NIPAL3: variants seen among roughly 807,000 people sequenced by gnomAD.
NIPAL3 encodes the protein NIPA like domain containing 3, also known as NIPA-like protein 3.
A neutral mutation model predicts 47.2 loss-of-function variants in NIPAL3; 41 were observed. The observed-to-expected ratio is 0.87, with a 90% confidence interval of 0.68 to 1.13. NIPAL3 has a LOEUF of 1.13. Among genes scored for constraint, NIPAL3 ranks in the 50% most tolerant of loss-of-function variants. The pLI is 0.00. For missense variants in NIPAL3, 449 were observed against 530.1 expected, an observed-to-expected ratio of 0.85 and a Z score of 1.50; for synonymous variants, 194 against 209.6, an observed-to-expected ratio of 0.93 and a Z score of 0.64.
chr1:24,455,728 C>G (rs1192514264), intron 7 of NIPAL3, among the ~76,000 whole-genome samples: 1 of 152,174 alleles, frequency 6.6e-6, no homozygotes, highest in East Asian at 1.9e-4. Context: ...CCAACAATTC[C>G]TAAGCTGTTT....
In NIPAL3 at chr1:24,449,521, C is replaced by T. The variant is rs779019000; in HGVS notation, c.435C>T (p.Val145=). Residue 145 remains valine (V), a synonymous_variant, in exon 6 of 12, where the codon GTC becomes GTT. Transcript: ENST00000374399. The surrounding 1 kb of genome is among the most constrained non-coding windows in gnomAD (Gnocchi z 4.5). ...VLSFVGCGLA[V]VGTYLLVTFA... ...CCTTTGTTGGCTGCGGTTTGGCTGT[C>T]GTGGGTACCTACCTGCTGGTGACAT... is the stretch of plus-strand genomic sequence containing the variant. 79 of 1,613,826 alleles carry T rather than the reference C, an allele frequency of 4.9e-5. No homozygotes were observed. Among genetic ancestry groups the T allele is most frequent in the South Asian group, 1.2e-4 (11 of 91,054 alleles).
At position 24,472,794 on chromosome 1, in the gene NIPAL3, C is replaced by T. The variant is rs1399557151; in HGVS notation, c.*3609C>T. ...GTTTCAACACTGGCTGATAGGCAGA[C>T]AAAAGGTTACTTGTGTGTTTCTCTG... On this transcript the variant is annotated 3_prime_UTR_variant, in exon 12 of 12. Transcript: ENST00000374399. 2 of 151,934 alleles carry T rather than the reference C, an allele frequency of 1.3e-5. No individual in the cohort carries two copies. Among genetic ancestry groups the T allele is most frequent in the Non-Finnish European group, 2.9e-5 (2 of 68,012 alleles). The allele number at this position is 151,934 out of a possible 1,614,324, so 9.4% of individuals were successfully genotyped here.
chr1:24,449,623 C>A lies in NIPAL3; in HGVS notation c.537C>A (p.Tyr179Ter), dbSNP rs141604530. 3 of 1,612,990 alleles carry A rather than the reference C, an allele frequency of 1.9e-6. No individual in the cohort carries two copies. The highest frequency in any genetic ancestry group is 1.1e-5 in the South Asian group (1 of 91,046). ...RHLVSWPFLL[Y>*]MLVEIILFCL... The stretch of plus-strand genomic sequence containing the variant: ...TCGTGAGCTGGCCTTTCCTTTTGTA[C>A]ATGGTAAGAGAAGCCTCCAGTCGTT... The change falls in exon 6 of 12, where the codon TAC becomes TAA. Residue 179 changes from tyrosine to a stop codon, truncating the protein, a stop_gained. Transcript: ENST00000374399. LOFTEE classifies it high-confidence loss of function. The surrounding 1 kb of genome is among the most constrained non-coding windows in gnomAD (Gnocchi z 4.5).
intron 2 of NIPAL3, among the ~76,000 whole-genome samples, chr1:24,424,485 G>A (rs1407125899): frequency 2.6e-5 from 4 of 152,214 alleles, no homozygotes; most frequent in Non-Finnish European, 5.9e-5. Context: ...TAGAGGGGAC[G>A]GTGTGGTTAA....
intron 8 of NIPAL3, 45 bp from the exon 9 acceptor site, chr1:24,458,843 C>G: frequency 6.7e-7 from 1 of 1,481,958 alleles, no homozygotes; most frequent in Non-Finnish European, 9.4e-7. Flanking sequence ...CTTAGCCTTT[C>G]CAACGTCTCC....
At chr1:24,432,960 G>T (rs142770510) in intron 2 of NIPAL3, 2 of 152,308 alleles carry the variant, frequency 1.3e-5, no homozygotes, top group Non-Finnish European at 2.9e-5. Context: ...GTTAATGATG[G>T]ATGACTCTAA....
intron 10 of NIPAL3, among the ~76,000 whole-genome samples, chr1:24,463,263 A>C (rs1232137693): frequency 1.3e-5 from 2 of 152,336 alleles, no homozygotes; most frequent in African/African-American, 4.8e-5. Context: ...GACATAAAAG[A>C]GTACATATTG....
At chr1:24,460,450 C>T in intron 9 of NIPAL3, 31 bp from the exon 10 acceptor site, 1 of 1,568,106 alleles carries the variant, frequency 6.4e-7, no homozygotes. Flanking sequence ...GAAAACAGCT[C>T]AGCGGTATTT....
At chr1:24,452,089 T>A (rs1355629617) in intron 6 of NIPAL3, among the ~76,000 whole-genome samples, 2 of 152,062 alleles carry the variant, frequency 1.3e-5, no homozygotes, top group Non-Finnish European at 2.9e-5. Context: ...TGATAAGGGG[T>A]TTGGGATAGG....
chr1:24,440,142 C>T, intron 2 of NIPAL3, 30 bp from the exon 3 acceptor site: 1 of 1,520,002 alleles, frequency 6.6e-7, no homozygotes, highest in Non-Finnish European at 8.8e-7. Context: ...GTGCCCAAAT[C>T]ATGTCCACTC....
At chr1:24,465,326 AG>A (rs1422787473) in intron 11 of NIPAL3, 1 of 152,080 alleles carries the variant, frequency 6.6e-6, no homozygotes, top group Non-Finnish European at 1.5e-5. Flanking sequence ...AATTCCAGAT[AG>A]GTGAGGTGTC....
Position 24,469,239 on chromosome 1 carries a change from C to T in NIPAL3, c.*54C>T, listed in dbSNP as rs769074566. On this transcript the variant is annotated 3_prime_UTR_variant, in exon 12 of 12. Transcript: ENST00000374399. ...CCCTCCAGGCTGACAGTGGTTCAAC[C>T]CTGAATCCTAAAACTTGCCTTTCAA... The T allele has an allele frequency of 5.4e-6, 8 of 1,470,640 alleles. No individual in the cohort carries two copies. Among genetic ancestry groups the T allele is most frequent in the Non-Finnish European group, 7.4e-6 (8 of 1,079,840 alleles). The allele number at this position is 1,470,640 out of a possible 1,614,324, so 91.1% of individuals were successfully genotyped here.
rs1646874568 is a variant in NIPAL3 at position 24,470,725 on chromosome 1, T to C, written c.*1540T>C. 1 of 152,248 alleles carries C rather than the reference T, an allele frequency of 6.6e-6. No homozygotes were observed. Among genetic ancestry groups the C allele is most frequent in the African/African-American group, 2.4e-5 (1 of 41,464 alleles). The allele number at this position is 152,248 out of a possible 1,614,324, so 9.4% of individuals were successfully genotyped here. Reference sequence around the variant, plus strand: ...GTGATAGATCACTTATCTTTATGGATTGTGCTTAATACTGATTTAGTATCT... The same window carrying C: ...GTGATAGATCACTTATCTTTATGGACTGTGCTTAATACTGATTTAGTATCT... On this transcript the variant is annotated 3_prime_UTR_variant, in exon 12 of 12. Transcript: ENST00000374399.
rs1645857249 is a variant in NIPAL3 at position 24,449,903 on chromosome 1, G to A, written c.540+277G>A. ...CAAATTGAATATCCACATATCCTAT[G>A]GAGGAATTCCACCCCTCATTTTATA... On this transcript the variant is annotated intron_variant, in intron 6 of 11. Transcript: ENST00000374399. The surrounding 1 kb of genome is among the most constrained non-coding windows in gnomAD (Gnocchi z 4.5). Among the ~76,000 whole-genome samples the A allele has an allele frequency of 6.6e-6, 1 of 152,166 alleles. No homozygotes were observed. Among genetic ancestry groups the A allele is most frequent in the Non-Finnish European group, 1.5e-5 (1 of 68,034 alleles).
chr1:24,453,612 G>C, intron 7 of NIPAL3, 108 bp downstream of exon 7: 1 of 868,292 alleles, frequency 1.2e-6, no homozygotes, highest in Non-Finnish European at 1.8e-6. Flanking sequence ...AGTTGCTTGA[G>C]ACTGGCTGAG....
Position 24,416,124 on chromosome 1 carries a change from C to T in NIPAL3, c.-258+220C>T, listed in dbSNP as rs1644014887. The T allele has an allele frequency of 2.0e-6, 2 of 985,318 alleles. No homozygotes were observed. Among genetic ancestry groups the T allele is most frequent in the African/African-American group, 3.5e-5 (2 of 57,200 alleles). 61.0% of individuals were successfully genotyped at this position (985,318 alleles called of 1,614,324 possible). A position where few individuals can be genotyped will look rare whatever the true frequency, so the allele number is the denominator to read the frequency against. ...TGGGCTACCTTACTAAAGGTGATGC[C>T]AGGCTCTACCAAACCAGGAAGTGAC... On this transcript the variant is annotated intron_variant, in intron 1 of 11. Coordinates refer to ENST00000374399, the MANE Select transcript of NIPAL3 (RefSeq NM_020448.5). The surrounding 1 kb of genome is among the most constrained non-coding windows in gnomAD (Gnocchi z 4.8).
chr1:24,436,851 G>A (rs1355888600), intron 2 of NIPAL3, among the ~76,000 whole-genome samples: 1 of 152,186 alleles, frequency 6.6e-6, no homozygotes, highest in Non-Finnish European at 1.5e-5. Context: ...ATAGCAGGAA[G>A]AATAGGGAAA....
At chr1:24,422,009 G>A (rs1644357264) in intron 2 of NIPAL3, 1 of 152,282 alleles carries the variant, frequency 6.6e-6, no homozygotes, top group Non-Finnish European at 1.5e-5. Flanking sequence ...AGGGGACTCT[G>A]CAGGTCATTA....
At chr1:24,452,454 CT>C (rs1464502371) in intron 6 of NIPAL3, among the ~76,000 whole-genome samples, 3 of 152,146 alleles carry the variant, frequency 2.0e-5, no homozygotes, top group Admixed American at 1.3e-4. Flanking sequence ...AGAACACTGC[CT>C]GGCGTACAAG....
Sources: allele counts gnomAD v4.1 joint callset (sites outside exome capture counted in the v4.1 genomes callset), GRCh38; gene constraint gnomAD v4.1.1; non-coding constraint Gnocchi (gnomAD v3.1); transcripts MANE v1.5; gene names NCBI Gene and HGNC (gene_info 2026-07-23, HGNC 2026-07-21).